The following FRAS1 variants were observed in gnomAD, a reference collection of about 807,000 sequenced individuals.
FRAS1 encodes Fraser extracellular matrix complex subunit 1.
A neutral mutation model predicts 435.2 loss-of-function variants in FRAS1; 290 were observed. The ratio of observed to expected loss-of-function variants is 0.67; its 90% confidence interval spans 0.61 to 0.73. FRAS1 has a LOEUF of 0.73. Ranked by LOEUF, FRAS1 falls within the 30% of genes least tolerant of loss-of-function variation. The pLI, the probability that FRAS1 is intolerant of heterozygous loss-of-function variation, is 0.00. For missense variants in FRAS1, 4,860 were observed against 5,001.5 expected, an observed-to-expected ratio of 0.97 and a Z score of 0.85; for synonymous variants, 1,800 against 1,851.0, an observed-to-expected ratio of 0.97 and a Z score of 0.71.
intron 26 of FRAS1, among the ~76,000 whole-genome samples, chr4:78,378,236 A>G (rs1460717624): frequency 6.6e-6 from 1 of 152,172 alleles, no homozygotes; most frequent in East Asian, 1.9e-4. Context: ...TCCATATGAT[A>G]TCATGAATCA....
At chr4:78,287,073 G>T (rs186153657) in intron 14 of FRAS1, among the ~76,000 whole-genome samples, 1 of 152,106 alleles carries the variant, frequency 6.6e-6, no homozygotes, top group Non-Finnish European at 1.5e-5. Flanking sequence ...CTGCGTGGCT[G>T]GAGAGGCCTC....
At chr4:78,406,562 C>T (rs1228645888) in intron 30 of FRAS1, among the ~76,000 whole-genome samples, 1 of 152,176 alleles carries the variant, frequency 6.6e-6, no homozygotes, top group Non-Finnish European at 1.5e-5. Flanking sequence ...AGACCGGCCC[C>T]TATGATTCAA....
rs766031370 is a variant in FRAS1 at position 78,284,468 on chromosome 4, A to T, written c.1319A>T (p.Asp440Val). 9.9e-6 allele frequency: 16 copies of T among 1,613,816 alleles called. No individual in the cohort carries two copies. Among genetic ancestry groups the T allele is most frequent in the Non-Finnish European group, 1.4e-5 (16 of 1,179,820 alleles). ...CCAGACCACTGTGACCTCTGCCAAGATCCTACCAAGTTACTGCAGAATGGA... is the reference window on the plus strand; with the variant it reads ...CCAGACCACTGTGACCTCTGCCAAGTTCCTACCAAGTTACTGCAGAATGGA... ...QSPDHCDLCQ[D>V]PTKLLQNGWC... Residue 440 changes from aspartate (D) to valine (V), a missense_variant, in exon 13 of 74, where the codon GAT (aspartate) becomes GTT (valine). Coordinates refer to ENST00000512123, the MANE Select transcript of FRAS1 (RefSeq NM_025074.7).
At chr4:78,217,304 A>G (rs1396960859) in intron 2 of FRAS1, among the ~76,000 whole-genome samples, 1 of 152,210 alleles carries the variant, frequency 6.6e-6, no homozygotes, top group Non-Finnish European at 1.5e-5. Flanking sequence ...AGATACACCC[A>G]AAAAGAATAC....
intron 2 of FRAS1, among the ~76,000 whole-genome samples, chr4:78,083,139 A>G (rs1009840996): frequency 3.9e-5 from 6 of 152,130 alleles, no homozygotes; most frequent in Admixed American, 3.9e-4. Flanking sequence ...TATTCTCACT[A>G]TACCCTTGAG....
chr4:78,286,356 A>T, intron 13 of FRAS1, 49 bp from the exon 14 acceptor site: 1 of 1,609,478 alleles, frequency 6.2e-7, no homozygotes, highest in East Asian at 2.2e-5. Flanking sequence ...GGTGTCTTTC[A>T]GCTAATCAAA....
At chr4:78,265,499 G>T (rs974145053) in intron 7 of FRAS1, among the ~76,000 whole-genome samples, 4 of 152,132 alleles carry the variant, frequency 2.6e-5, no homozygotes, top group Admixed American at 6.5e-5. Context: ...TCACACCCCT[G>T]CCATCTTACA....
chr4:78,265,931 G>C (rs1308402565), intron 7 of FRAS1, among the ~76,000 whole-genome samples: 1 of 152,184 alleles, frequency 6.6e-6, no homozygotes, highest in East Asian at 1.9e-4. Flanking sequence ...AATTGGGAAG[G>C]ATTTTTATAT....
chr4:78,516,914 C>T (rs1421554689), intron 66 of FRAS1, among the ~76,000 whole-genome samples: 1 of 152,174 alleles, frequency 6.6e-6, no homozygotes, highest in Non-Finnish European at 1.5e-5. Flanking sequence ...CAGAGCCAAA[C>T]CATATCAATT....
At chr4:78,310,624 G>A (rs1256573929) in intron 15 of FRAS1, among the ~76,000 whole-genome samples, 1 of 152,158 alleles carries the variant, frequency 6.6e-6, no homozygotes, top group Non-Finnish European at 1.5e-5. Context: ...TGACCAACAG[G>A]CCTTTTAATA....
intron 2 of FRAS1, among the ~76,000 whole-genome samples, chr4:78,233,985 G>T (rs1353862268): frequency 6.6e-6 from 1 of 152,172 alleles, no homozygotes; most frequent in Non-Finnish European, 1.5e-5. Context: ...AGATGGCAGA[G>T]GTGGGAAAAG....
chr4:78,103,577 A>G (rs548859805), intron 2 of FRAS1, among the ~76,000 whole-genome samples: 3 of 152,314 alleles, frequency 2.0e-5, no homozygotes, highest in Admixed American at 6.5e-5. Flanking sequence ...TTGAAATCCT[A>G]ACTCCTAAGG....
intron 2 of FRAS1, among the ~76,000 whole-genome samples, chr4:78,088,736 C>G (rs1308206738): frequency 6.6e-6 from 1 of 152,150 alleles, no homozygotes. Context: ...GAGATACCAT[C>G]TCACACCAGT....
At position 78,264,830 on chromosome 4, in the gene FRAS1, T is replaced by C; in HGVS notation, c.604-195T>C. On this transcript the variant is annotated intron_variant, in intron 6 of 73. Coordinates refer to ENST00000512123, the MANE Select transcript of FRAS1 (RefSeq NM_025074.7). ...ACAGGACTTGAGGCATGTGCAAACT[T>C]CTTAAGGGCACACTGACCTTGGAAT... 1.8e-5 allele frequency: 12 copies of C among 678,772 alleles called. No homozygotes were observed. In the South Asian group the frequency reaches 1.8e-4, roughly 10 times the overall value. The allele number at this position is 678,772 out of a possible 1,614,324, so 42.0% of individuals were successfully genotyped here. A position where few individuals can be genotyped will look rare whatever the true frequency, so the allele number is the denominator to read the frequency against.
chr4:78,231,652 C>T (rs2110108798), intron 2 of FRAS1, among the ~76,000 whole-genome samples: 1 of 152,154 alleles, frequency 6.6e-6, no homozygotes, highest in African/African-American at 2.4e-5. Flanking sequence ...AGTTGATATA[C>T]TGCTCTTTAG....
rs1391079778 is a variant in FRAS1, at chr4:78,446,313, C to T, written c.5857-414C>T. 4.9e-6 allele frequency: 5 copies of T among 1,017,416 alleles called. No individual in the cohort carries two copies. The East Asian group carries it at 5.4e-4, about 110-fold the overall frequency. 63.0% of individuals were successfully genotyped at this position (1,017,416 alleles called of 1,614,324 possible). A position where few individuals can be genotyped will look rare whatever the true frequency, so the allele number is the denominator to read the frequency against. On this transcript the variant is annotated intron_variant, in intron 42 of 73. Coordinates refer to ENST00000512123, the MANE Select transcript of FRAS1 (RefSeq NM_025074.7). ...CAGGGCAGGGAGACAGCTTTAGAGA[C>T]CCACACTTTCAAATATAGTGTCCTT...
At chr4:78,308,358 C>T (rs2110220709) in intron 15 of FRAS1, 149 bp downstream of exon 15, 1 of 868,892 alleles carries the variant, frequency 1.2e-6, no homozygotes, top group Non-Finnish European at 1.7e-6. Flanking sequence ...TTTAGATGTG[C>T]ATAACACACT....
At chr4:78,248,811 T>C (rs879742414) in intron 4 of FRAS1, among the ~76,000 whole-genome samples, 1 of 151,854 alleles carries the variant, frequency 6.6e-6, no homozygotes, top group Non-Finnish European at 1.5e-5. Flanking sequence ...GCCAACTTGT[T>C]AGTTGACTAT....
At position 78,492,669 on chromosome 4, in the gene FRAS1, G is replaced by A. The variant is rs375815220; in HGVS notation, c.8958+3589G>A. Among the ~76,000 whole-genome samples, 15 of 152,218 alleles carry A rather than the reference G, an allele frequency of 9.9e-5. No homozygotes were observed. The East Asian group carries it at 1.5e-3, about 16-fold the overall frequency. ...CTCAGGATGGATTGAAGACTTAAAC[G>A]TGAGACCTAAAACCATAAAAATCCT... On this transcript the variant is annotated intron_variant, in intron 59 of 73. Coordinates refer to ENST00000512123, the MANE Select transcript of FRAS1 (RefSeq NM_025074.7).
Sources: allele counts gnomAD v4.1 joint callset (sites outside exome capture counted in the v4.1 genomes callset), GRCh38; gene constraint gnomAD v4.1.1; transcripts MANE v1.5; gene names NCBI Gene and HGNC (gene_info 2026-07-23, HGNC 2026-07-21).